The following TFAP4 variants were observed in gnomAD, a reference collection of about 807,000 sequenced individuals.
TFAP4 encodes activating enhancer-binding protein 4.
Under a neutral mutation model 40.4 loss-of-function variants are expected in TFAP4, and 7 were observed. The ratio of observed to expected loss-of-function variants is 0.17; its 90% CI spans 0.10 to 0.33. The LOEUF (loss-of-function observed/expected upper bound fraction) is 0.33, where lower values mean the gene tolerates loss of function less well. TFAP4 is among the 10% of genes least tolerant of loss of function. TFAP4 has a pLI of 1.00. For missense variants in TFAP4, 374 were observed against 451.1 expected, an observed-to-expected ratio of 0.83 and a Z score of 1.55; for synonymous variants, 218 against 181.4, an observed-to-expected ratio of 1.20 and a Z score of -1.62.
chr16:4,270,190 C>T (rs549036294), intron 1 of TFAP4, among the ~76,000 whole-genome samples: 1 of 152,008 alleles, frequency 6.6e-6, no homozygotes, highest in East Asian at 1.9e-4. Flanking sequence ...AAAAAAAAGA[C>T]TGAGTGTCAT....
At position 4,261,852 on chromosome 16, in the gene TFAP4, A is replaced by T. The variant is rs1252690291; in HGVS notation, c.452T>A (p.Leu151Gln). 7 of 1,613,346 alleles carry T rather than the reference A, an allele frequency of 4.3e-6. No homozygotes were observed. Among genetic ancestry groups the T allele is most frequent in the Non-Finnish European group, 5.9e-6 (7 of 1,179,846 alleles). Reference protein sequence around the residue: ...DIWEDEKAEDLRREMIELRQQ... With the variant: ...DIWEDEKAEDQRREMIELRQQ... ...CCGCAGCTCAATCATCTCCCGCCGC[A>T]GGTCCTCCGCCTTCTCGTCCTCCCA... is the stretch of plus-strand genomic sequence containing the variant. The change falls in exon 4 of 7, where the codon CTG becomes CAG. Residue 151 changes from leucine to glutamine, a missense_variant. Transcript: ENST00000204517.
chr16:4,270,555 G>T (rs1567203393), intron 1 of TFAP4, among the ~76,000 whole-genome samples: 1 of 152,168 alleles, frequency 6.6e-6, no homozygotes, highest in Non-Finnish European at 1.5e-5. Context: ...CATGCCTAAT[G>T]CACAGCTGAC....
chr16:4,268,731 A>G (rs960289169), intron 1 of TFAP4, among the ~76,000 whole-genome samples: 3 of 152,062 alleles, frequency 2.0e-5, no homozygotes, highest in African/African-American at 7.2e-5. Context: ...AACTGGGAGT[A>G]TAAGTGCACA....
chr16:4,265,918 C>G (rs2052991092), intron 1 of TFAP4: 1 of 152,298 alleles, frequency 6.6e-6, no homozygotes, highest in African/African-American at 2.4e-5. Flanking sequence ...TGACTGCAAG[C>G]TCAGCCATCA....
At chr16:4,272,576 G>C (rs2053048284) in intron 1 of TFAP4, 82 bp downstream of exon 1, 6 of 1,127,314 alleles carry the variant, frequency 5.3e-6, no homozygotes, top group Admixed American at 5.5e-5. Flanking sequence ...CGGGCCATGC[G>C]TGCGCACACG....
intron 1 of TFAP4, among the ~76,000 whole-genome samples, chr16:4,268,336 C>T (rs1437727058): frequency 6.6e-6 from 1 of 152,036 alleles, no homozygotes; most frequent in African/African-American, 2.4e-5. Context: ...AGGTCGAGGC[C>T]CAAGAGTTAG....
intron 4 of TFAP4, among the ~76,000 whole-genome samples, chr16:4,261,536 G>A (rs1172496281): frequency 6.6e-6 from 1 of 151,322 alleles, no homozygotes; most frequent in South Asian, 2.1e-4. Flanking sequence ...TGATCCACCC[G>A]CCTCGGCCTC....
At position 4,258,136 on chromosome 16, in the gene TFAP4, G is replaced by C; in HGVS notation, c.936C>G (p.Thr312=). 6.2e-7 allele frequency: 1 copy of C among 1,613,956 alleles called. No individual in the cohort carries two copies. Among genetic ancestry groups the C allele is most frequent in the South Asian group, 1.1e-5 (1 of 91,068 alleles). Residue 312 remains threonine, a synonymous_variant, in exon 7 of 7, where the codon ACC becomes ACG. Coordinates refer to ENST00000204517, the MANE Select transcript of TFAP4 (RefSeq NM_003223.3). ...TGTCTGAGGCCTCGGAGTCGGAGGC[G>C]GTGTCAGAGGTGGGGGCCTCCGGGC... ...RSCPEAPTSD[T]ASDSEASDSD...
chr16:4,262,951 G>T, intron 1 of TFAP4: 1 of 529,182 alleles, frequency 1.9e-6, no homozygotes, highest in Non-Finnish European at 3.4e-6. Flanking sequence ...CAAGGCCAAG[G>T]ATCATTGAGC....
Position 4,263,912 on chromosome 16 carries a change from G to A in TFAP4, c.90-1211C>T, listed in dbSNP as rs141739930. ...GGTTGGGCTTGTGTGTGGCCTGGAG[G>A]AGGCATGTCCCCCTCCCTGGACCTC... On this transcript the variant is annotated intron_variant, in intron 1 of 6. Transcript: ENST00000204517. 12 of 152,968 alleles carry A rather than the reference G, an allele frequency of 7.8e-5. No individual in the cohort carries two copies. In the East Asian group the frequency reaches 1.9e-3, roughly 25 times the overall value. The allele number at this position is 152,968 out of a possible 1,614,324, so 9.5% of individuals were successfully genotyped here. A position where few individuals can be genotyped will look rare whatever the true frequency, so the allele number is the denominator to read the frequency against.
intron 1 of TFAP4, among the ~76,000 whole-genome samples, chr16:4,272,012 G>A (rs1205425628): frequency 1.3e-5 from 2 of 151,800 alleles, no homozygotes; most frequent in East Asian, 1.9e-4. Flanking sequence ...CCCGGGCGCG[G>A]GCGGGCGAGC....
chr16:4,258,068 C>G lies in TFAP4; in HGVS notation c.1004G>C (p.Gly335Ala), dbSNP rs745401284. The change falls in exon 7 of 7, where the codon GGG becomes GCG. Residue 335 changes from glycine (G) to alanine (A), a missense_variant. Coordinates refer to ENST00000204517, the MANE Select transcript of TFAP4 (RefSeq NM_003223.3). ...CTGGGGGGGTAGTCAGGGAAGCTCC[C>G]CGTCCCCCGACGGCTCCTCCCGGCT... ...DQSREEPSGD[G>A]ELP is the part of the protein sequence containing the mutation. The G allele has an allele frequency of 6.2e-7, 1 of 1,611,984 alleles. No individual in the cohort carries two copies. The highest frequency in any genetic ancestry group is 8.5e-7 in the Non-Finnish European group (1 of 1,179,682).
At chr16:4,268,247 T>C (rs975434534) in intron 1 of TFAP4, among the ~76,000 whole-genome samples, 3 of 152,178 alleles carry the variant, frequency 2.0e-5, no homozygotes, top group African/African-American at 2.4e-5. Context: ...CAGGCCAAGA[T>C]GGTGAAACCC....
At chr16:4,259,402 TG>T (rs2052926056) in intron 6 of TFAP4, among the ~76,000 whole-genome samples, 1 of 152,156 alleles carries the variant, frequency 6.6e-6, no homozygotes, top group African/African-American at 2.4e-5. Flanking sequence ...CCCAAAGTGC[TG>T]GGATTGCAGG....
At chr16:4,267,720 T>G (rs1422888140) in intron 1 of TFAP4, among the ~76,000 whole-genome samples, 1 of 151,788 alleles carries the variant, frequency 6.6e-6, no homozygotes, top group Non-Finnish European at 1.5e-5. Flanking sequence ...TACCTCAGGG[T>G]CACTTAACAT....
chr16:4,258,101 A>G lies in TFAP4; in HGVS notation c.971T>C (p.Met324Thr), dbSNP rs920866890. Reference sequence around the variant, plus strand: ...CGACGGCTCCTCCCGGCTCTGGTCCATGGCGTCACTGTCTGAGGCCTCGGA... The same window carrying G: ...CGACGGCTCCTCCCGGCTCTGGTCCGTGGCGTCACTGTCTGAGGCCTCGGA... ...SDSEASDSDA[M>T]DQSREEPSGD... The change falls in exon 7 of 7, where the codon ATG becomes ACG. Residue 324 changes from methionine (M) to threonine (T), a missense_variant. Coordinates refer to ENST00000204517, the MANE Select transcript of TFAP4 (RefSeq NM_003223.3). 3.1e-6 allele frequency: 5 copies of G among 1,613,748 alleles called. No homozygotes were observed. The highest frequency in any genetic ancestry group is 3.4e-6 in the Non-Finnish European group (4 of 1,179,928).
chr16:4,259,537 G>T (rs927169278), intron 6 of TFAP4, among the ~76,000 whole-genome samples: 3 of 152,150 alleles, frequency 2.0e-5, no homozygotes, highest in Non-Finnish European at 4.4e-5. Context: ...AAAATTCGAG[G>T]AGATTGATGG....
At chr16:4,258,636 G>C (rs2052919059) in intron 6 of TFAP4, 1 of 160,304 alleles carries the variant, frequency 6.2e-6, no homozygotes, top group Admixed American at 6.3e-5. Flanking sequence ...AGCTGATCTC[G>C]AACTCCTGAC....
chr16:4,268,548 C>T (rs1427067008), intron 1 of TFAP4, among the ~76,000 whole-genome samples: 1 of 151,960 alleles, frequency 6.6e-6, no homozygotes, highest in Admixed American at 6.6e-5. Context: ...TCTTGAACTC[C>T]TTCTTATGGG....
Sources: allele counts gnomAD v4.1 joint callset (sites outside exome capture counted in the v4.1 genomes callset), GRCh38; gene constraint gnomAD v4.1.1; transcripts MANE v1.5; gene names NCBI Gene and HGNC (gene_info 2026-07-23, HGNC 2026-07-21).